The following LRMDA variants were observed in gnomAD, a reference collection of about 807,000 sequenced individuals.
LRMDA encodes leucine-rich melanocyte differentiation-associated protein.
A neutral mutation model predicts 29.8 loss-of-function variants in LRMDA; 18 were observed. The ratio of observed to expected loss-of-function variants is 0.60; its 90% CI spans 0.42 to 0.90. The LOEUF is 0.90. Among genes scored for constraint, LRMDA ranks in the 40% least tolerant of loss-of-function variants. The pLI, the probability that LRMDA is intolerant of heterozygous loss-of-function variation, is 0.00. For missense variants in LRMDA, 273 were observed against 273.9 expected (o/e 1.00, Z 0.02); for synonymous variants, 125 against 109.4 (o/e 1.14, Z -0.89).
At chr10:76,253,009 C>T (rs1852514051) in intron 5 of LRMDA, among the ~76,000 whole-genome samples, 1 of 152,192 alleles carries the variant, frequency 6.6e-6, no homozygotes, top group Non-Finnish European at 1.5e-5. Flanking sequence ...AGCGGGGCAA[C>T]TTCCAGGGAG....
intron 5 of LRMDA, among the ~76,000 whole-genome samples, chr10:76,310,484 AT>A (rs34687226): frequency 1.3e-5 from 2 of 151,628 alleles, no homozygotes; most frequent in African/African-American, 4.8e-5. Context: ...CAAAAGAGGT[AT>A]TTTTTCCCTC....
intron 6 of LRMDA, among the ~76,000 whole-genome samples, chr10:76,442,120 G>A (rs1842309934): frequency 6.6e-6 from 1 of 152,118 alleles, no homozygotes; most frequent in East Asian, 1.9e-4. Context: ...TTAGTGTAAG[G>A]TTATTGCCCT....
At chr10:76,250,518 A>C (rs1852457519) in intron 5 of LRMDA, among the ~76,000 whole-genome samples, 2 of 152,228 alleles carry the variant, frequency 1.3e-5, no homozygotes, top group African/African-American at 4.8e-5. Flanking sequence ...AAAACCAAAA[A>C]ATGAAAAAAG....
At chr10:75,634,326 C>T (rs1841363657) in intron 2 of LRMDA, among the ~76,000 whole-genome samples, 1 of 152,162 alleles carries the variant, frequency 6.6e-6, no homozygotes, top group Admixed American at 6.5e-5. Context: ...GACCATTAAG[C>T]ATTCTATTTT....
chr10:75,502,438 T>TA (rs397733962), intron 2 of LRMDA, among the ~76,000 whole-genome samples: 7 of 151,968 alleles, frequency 4.6e-5, no homozygotes, highest in Admixed American at 6.5e-5. Flanking sequence ...TTTTTTTTTT[T>TA]ATTGATCTCT....
At chr10:75,695,377 G>A (rs1170384686) in intron 2 of LRMDA, among the ~76,000 whole-genome samples, 3 of 151,200 alleles carry the variant, frequency 2.0e-5, no homozygotes, top group Non-Finnish European at 4.4e-5. Context: ...CTTAAAAATT[G>A]TAGATTAAAA....
rs139581720 is a variant in LRMDA, at chr10:76,321,850, C to G, written c.517-2551C>G. Among the ~76,000 whole-genome samples the G allele has an allele frequency of 5.5e-3, 839 of 152,244 alleles. 10 individuals are homozygous for G. Among genetic ancestry groups the G allele is most frequent in the African/African-American group, 0.02 (811 of 41,548 alleles). On this transcript the variant is annotated intron_variant, in intron 5 of 6. Transcript: ENST00000611255. ...ATCCCAGCTACTCGGGAGGCTGAGG[C>G]ATGAGAATTGCTTGAACCAGGGAGG... is the stretch of plus-strand genomic sequence containing the variant.
At chr10:76,331,539 A>G (rs1840905170) in intron 6 of LRMDA, among the ~76,000 whole-genome samples, 1 of 152,222 alleles carries the variant, frequency 6.6e-6, no homozygotes, top group Admixed American at 6.5e-5. Flanking sequence ...AAAAGTGGCA[A>G]AAGGAAAGAG....
At chr10:76,009,531 C>T (rs977203156) in intron 2 of LRMDA, among the ~76,000 whole-genome samples, 2 of 152,232 alleles carry the variant, frequency 1.3e-5, no homozygotes, top group East Asian at 1.9e-4. Flanking sequence ...GTGTGGATTG[C>T]GGGCCAGGAG....
intron 2 of LRMDA, among the ~76,000 whole-genome samples, chr10:75,739,894 A>C (rs537990530): frequency 1.3e-5 from 2 of 152,338 alleles, no homozygotes; most frequent in African/African-American, 4.8e-5. Flanking sequence ...CAATATGCGA[A>C]ATAAAATGAC....
intron 4 of LRMDA, among the ~76,000 whole-genome samples, chr10:76,056,232 A>C (rs577448794): frequency 1.4e-4 from 21 of 152,326 alleles, no homozygotes; most frequent in African/African-American, 4.8e-4. Context: ...CAACTGCCCA[A>C]GTCTGGCTGA....
At chr10:76,490,691 C>A (rs1402214800) in intron 6 of LRMDA, among the ~76,000 whole-genome samples, 1 of 151,846 alleles carries the variant, frequency 6.6e-6, no homozygotes, top group Non-Finnish European at 1.5e-5. Flanking sequence ...AAGTGTATTT[C>A]CTATAGACAA....
chr10:75,645,475 G>T lies in LRMDA; in HGVS notation c.131+206981G>T, dbSNP rs553356184. Among the ~76,000 whole-genome samples the T allele has an allele frequency of 6.6e-5, 10 of 152,166 alleles. No homozygotes were observed. The East Asian group carries it at 1.7e-3, about 26-fold the overall frequency. On this transcript the variant is annotated intron_variant, in intron 2 of 6. Coordinates refer to ENST00000611255, the MANE Select transcript of LRMDA (RefSeq NM_001305581.2). Reference sequence around the variant, plus strand: ...AGAGAGGAGGGTGGGTTGGTGGGGGGTGGGGGCAGGAATAATCAACTGTGA... The same window carrying T: ...AGAGAGGAGGGTGGGTTGGTGGGGGTTGGGGGCAGGAATAATCAACTGTGA...
At chr10:75,879,392 C>G (rs930245087) in intron 2 of LRMDA, among the ~76,000 whole-genome samples, 1 of 152,236 alleles carries the variant, frequency 6.6e-6, no homozygotes, top group Non-Finnish European at 1.5e-5. Flanking sequence ...AGTAGACACT[C>G]TTTAATTTCC....
chr10:76,059,300 C>G (rs553401699), intron 5 of LRMDA, among the ~76,000 whole-genome samples: 4 of 152,202 alleles, frequency 2.6e-5, no homozygotes, highest in Non-Finnish European at 4.4e-5. Flanking sequence ...ATGTGCCCCC[C>G]ACATGTATCT....
intron 3 of LRMDA, among the ~76,000 whole-genome samples, chr10:76,044,664 A>G (rs1197586410): frequency 1.3e-5 from 2 of 151,824 alleles, no homozygotes; most frequent in East Asian, 1.9e-4. Context: ...TCCCAACCTC[A>G]TCCCCCTGGT....
rs192902012 is a variant in LRMDA, at chr10:75,933,442, A to G, written c.132-102566A>G. Among the ~76,000 whole-genome samples the G allele has an allele frequency of 1.1e-4, 16 of 152,342 alleles. 1 individual carries two copies. The highest frequency in any genetic ancestry group is 9.8e-4 in the Admixed American group (15 of 15,310). On this transcript the variant is annotated intron_variant, in intron 2 of 6. Coordinates refer to ENST00000611255, the MANE Select transcript of LRMDA (RefSeq NM_001305581.2). ...TCAGATACAGTTATGGCTAAATTGT[A>G]GTCTTTGCATGAAAAAGAAATGACC...
intron 5 of LRMDA, among the ~76,000 whole-genome samples, chr10:76,133,122 A>C (rs943408429): frequency 6.6e-6 from 1 of 151,960 alleles, no homozygotes; most frequent in Non-Finnish European, 1.5e-5. Context: ...AGCCCGGCCA[A>C]CAAGCACCTT....
chr10:75,669,533 C>T (rs1230915393), intron 2 of LRMDA, among the ~76,000 whole-genome samples: 1 of 152,196 alleles, frequency 6.6e-6, no homozygotes, highest in Non-Finnish European at 1.5e-5. Context: ...TGAATTATCA[C>T]AAACATTGAT....
Sources: allele counts gnomAD v4.1 joint callset (sites outside exome capture counted in the v4.1 genomes callset), GRCh38; gene constraint gnomAD v4.1.1; transcripts MANE v1.5; gene names NCBI Gene and HGNC (gene_info 2026-07-23, HGNC 2026-07-21).